The following USP34 variants were observed in gnomAD, a reference collection of about 807,000 sequenced individuals.
USP34 encodes the protein ubiquitin specific peptidase 34.
USP34 carries 70 observed loss-of-function variants against 460.3 expected under a neutral mutation model. The ratio of observed to expected loss-of-function variants is 0.15; its 90% CI spans 0.13 to 0.19. USP34 has a LOEUF of 0.19. Ranked by LOEUF, USP34 falls within the 10% of genes least tolerant of loss-of-function variation. The pLI is 1.00. For synonymous variants in USP34, 1,647 were observed against 1,405.3 expected, an observed-to-expected ratio of 1.17 and a Z score of -3.85; for missense variants, 3,985 against 4,236.2, an observed-to-expected ratio of 0.94 and a Z score of 1.65.
chr2:61,269,132 A>G (rs1459574460), intron 41 of USP34, among the ~76,000 whole-genome samples: 3 of 152,118 alleles, frequency 2.0e-5, no homozygotes, highest in Admixed American at 6.5e-5. Flanking sequence ...AATACTGAGG[A>G]GGAATTAGGA....
chr2:61,291,935 GGCT>G, intron 33 of USP34, among the ~76,000 whole-genome samples: 2 of 152,108 alleles, frequency 1.3e-5, no homozygotes, highest in African/African-American at 4.8e-5. Flanking sequence ...CTCGAAAATA[GGCT>G]AAGTGAAAGA....
At chr2:61,387,721 G>A (rs536655207) in intron 5 of USP34, among the ~76,000 whole-genome samples, 40 of 138,960 alleles carry the variant, frequency 2.9e-4, no homozygotes, top group African/African-American at 9.6e-4. Context: ...ATATTTTTAC[G>A]TATACACACA....
chr2:61,312,759 T>G (rs112762903), intron 25 of USP34, among the ~76,000 whole-genome samples: 239 of 152,280 alleles, frequency 1.6e-3, no homozygotes, highest in African/African-American at 5.6e-3. Flanking sequence ...GGAGGCTGTA[T>G]CTCATGCTCT....
chr2:61,294,400 T>C (rs1171615143), intron 32 of USP34, among the ~76,000 whole-genome samples: 1 of 152,072 alleles, frequency 6.6e-6, no homozygotes, highest in Non-Finnish European at 1.5e-5. Context: ...CATCTTTCTA[T>C]TCCATTAGCC....
At chr2:61,464,474 G>A (rs769495114) in intron 1 of USP34, among the ~76,000 whole-genome samples, 1 of 152,154 alleles carries the variant, frequency 6.6e-6, no homozygotes, top group Non-Finnish European at 1.5e-5. Flanking sequence ...TTCACCAAAT[G>A]GTATTGGGAT....
At chr2:61,193,074 G>C in intron 75 of USP34, 94 bp from the exon 76 acceptor site, 1 of 923,518 alleles carries the variant, frequency 1.1e-6, no homozygotes, top group Non-Finnish European at 1.7e-6. Flanking sequence ...GCTATTTCTA[G>C]TCATAACTGC....
In USP34 at chr2:61,278,252, T is replaced by G; in HGVS notation, c.5346A>C (p.Val1782=). The G allele has an allele frequency of 6.2e-7, 1 of 1,613,770 alleles. No individual in the cohort carries two copies. Residue 1782 remains valine, a synonymous_variant, in exon 41 of 80, where the codon GTA becomes GTC. Coordinates refer to ENST00000398571, the MANE Select transcript of USP34 (RefSeq NM_014709.4). ...REILDHQDGN[V]EDDGLTGLLR... ...GGAGTCCTGTAAGCCCATCATCTTC[T>G]ACATTACCATCCTGATGATCAAGGA...
At chr2:61,209,535 C>T (rs544950663) in intron 69 of USP34, among the ~76,000 whole-genome samples, 1 of 152,328 alleles carries the variant, frequency 6.6e-6, no homozygotes, top group South Asian at 2.1e-4. Context: ...GCCATGGTAA[C>T]ATTCACAATG....
intron 3 of USP34, among the ~76,000 whole-genome samples, chr2:61,400,380 A>G (rs954631002): frequency 6.6e-6 from 1 of 152,060 alleles, no homozygotes; most frequent in African/African-American, 2.4e-5. Flanking sequence ...AAGTGCTGGG[A>G]TTACAGGTGT....
intron 1 of USP34, among the ~76,000 whole-genome samples, chr2:61,450,921 TAACA>T (rs1224140781): frequency 6.6e-6 from 1 of 150,610 alleles, no homozygotes; most frequent in Non-Finnish European, 1.5e-5. Context: ...AGTTTCATCT[TAACA>T]AATGAGTAAC....
chr2:61,334,156 T>C (rs1266970829), intron 18 of USP34, among the ~76,000 whole-genome samples, 185 bp from the exon 19 acceptor site: 1 of 152,114 alleles, frequency 6.6e-6, no homozygotes, highest in Non-Finnish European at 1.5e-5. Context: ...GAACTGCAAG[T>C]TTAAAAAATT....
chr2:61,340,408 C>T (rs1035844949), intron 16 of USP34, among the ~76,000 whole-genome samples: 2 of 152,124 alleles, frequency 1.3e-5, no homozygotes, highest in African/African-American at 4.8e-5. Flanking sequence ...TTTCCTTTCT[C>T]TTGGGTAAAT....
intron 27 of USP34, among the ~76,000 whole-genome samples, chr2:61,305,258 G>C (rs1202732692): frequency 6.6e-6 from 1 of 152,056 alleles, no homozygotes; most frequent in African/African-American, 2.4e-5. Flanking sequence ...CAAAGGCGGA[G>C]GTTGCACTGA....
At chr2:61,345,543 T>A (rs141819021) in intron 15 of USP34, among the ~76,000 whole-genome samples, 2 of 152,206 alleles carry the variant, frequency 1.3e-5, no homozygotes, top group African/African-American at 2.4e-5. Context: ...ATGATAAATA[T>A]ACAGCTAACA....
intron 75 of USP34, among the ~76,000 whole-genome samples, chr2:61,196,604 C>G (rs749686652): frequency 1.3e-4 from 20 of 151,990 alleles, no homozygotes; most frequent in Non-Finnish European, 2.5e-4. Context: ...CGTCTTGGCT[C>G]ACTGCAGCCT....
intron 23 of USP34, among the ~76,000 whole-genome samples, chr2:61,315,427 C>A (rs1247681620): frequency 6.6e-6 from 1 of 151,662 alleles, no homozygotes; most frequent in Non-Finnish European, 1.5e-5. Context: ...GGCTGGAGTG[C>A]AGTGGCGCAA....
chr2:61,373,966 C>T (rs540358094), intron 8 of USP34, among the ~76,000 whole-genome samples: 3 of 152,146 alleles, frequency 2.0e-5, no homozygotes, highest in African/African-American at 7.2e-5. Flanking sequence ...ACCAGCCCGA[C>T]CAACATGGTG....
At chr2:61,253,759 T>C (rs955116481) in intron 48 of USP34, among the ~76,000 whole-genome samples, 4 of 150,690 alleles carry the variant, frequency 2.7e-5, no homozygotes, top group Admixed American at 6.6e-5. Flanking sequence ...TTTTGAGACA[T>C]AGTCTTGCTC....
chr2:61,190,172 C>G, intron 78 of USP34, 99 bp downstream of exon 78: 8 of 1,471,550 alleles, frequency 5.4e-6, no homozygotes, highest in Non-Finnish European at 7.2e-6. Context: ...GAGTTTGAAT[C>G]AGTAAGTTAA....
Sources: allele counts gnomAD v4.1 joint callset (sites outside exome capture counted in the v4.1 genomes callset), GRCh38; gene constraint gnomAD v4.1.1; transcripts MANE v1.5; gene names NCBI Gene and HGNC (gene_info 2026-07-23, HGNC 2026-07-21).